The following TENM3 variants were observed in gnomAD, a reference collection of about 807,000 sequenced individuals.
The protein encoded by TENM3 is teneurin transmembrane protein 3.
TENM3 carries 63 observed loss-of-function variants against 255.1 expected under a neutral mutation model. The ratio of observed to expected loss-of-function variants is 0.25; its 90% CI spans 0.20 to 0.30. The LOEUF is 0.30. Among genes scored for constraint, TENM3 ranks in the 10% least tolerant of loss-of-function variants. The pLI, the probability that TENM3 is intolerant of heterozygous loss-of-function variation, is 1.00. For synonymous variants in TENM3, 1,306 were observed against 1,322.3 expected (o/e 0.99, Z 0.27); for missense variants, 2,929 against 3,461.1 (o/e 0.85, Z 3.86).
the TENM3 span, among the ~76,000 whole-genome samples, chr4:181,851,758 A>G: frequency 6.6e-6 from 1 of 152,230 alleles, no homozygotes; most frequent in Non-Finnish European, 1.5e-5. Flanking sequence ...AAACACGCTT[A>G]GGAAAACATC....
the TENM3 span, among the ~76,000 whole-genome samples, chr4:181,888,777 T>A: frequency 6.6e-6 from 1 of 150,982 alleles, no homozygotes; most frequent in African/African-American, 2.4e-5. Flanking sequence ...GGGGGAACAG[T>A]GTAAGCCACA....
Position 182,736,839 on chromosome 4 carries a change from C to G in TENM3, c.2999C>G (p.Thr1000Arg). Residue 1000 changes from threonine (T) to arginine (R), a missense_variant, in exon 17 of 28, where the codon ACA (threonine) becomes AGA (arginine). Coordinates refer to ENST00000511685, the MANE Select transcript of TENM3 (RefSeq NM_001080477.4). ...CACGAGGAAACTACAATTCCAGGAA[C>G]AGATTTGAAACTCTCCTACTTGAGT... Reference protein sequence around the residue: ...VLHEETTIPGTDLKLSYLSSR... With the variant: ...VLHEETTIPGRDLKLSYLSSR... The G allele has an allele frequency of 1.2e-6, 2 of 1,613,594 alleles. No individual in the cohort carries two copies. The highest frequency in any genetic ancestry group is 1.7e-6 in the Non-Finnish European group (2 of 1,179,752).
chr4:182,726,834 C>T (rs1248374759), intron 13 of TENM3, among the ~76,000 whole-genome samples: 6 of 152,140 alleles, frequency 3.9e-5, no homozygotes, highest in African/African-American at 1.2e-4. Context: ...TTTAATTCAA[C>T]TTTGTCTGTT....
At chr4:182,250,924 G>A (rs942342847) in intron 1 of TENM3, among the ~76,000 whole-genome samples, 1 of 152,158 alleles carries the variant, frequency 6.6e-6, no homozygotes, top group Non-Finnish European at 1.5e-5. Flanking sequence ...ATTTCAGATG[G>A]ATAAGAATTT....
the TENM3 span, among the ~76,000 whole-genome samples, chr4:182,056,446 C>A: frequency 6.6e-6 from 1 of 152,076 alleles, no homozygotes; most frequent in Non-Finnish European, 1.5e-5. Context: ...CATTTATCAA[C>A]AACAGAGTTA....
At chr4:182,434,373 G>A (rs143553525) in intron 3 of TENM3, among the ~76,000 whole-genome samples, 17 of 152,102 alleles carry the variant, frequency 1.1e-4, no homozygotes, top group African/African-American at 3.6e-4. Flanking sequence ...TTAAATAATA[G>A]TATAGCTGGC....
At chr4:182,189,186 C>T (rs1288136406) in intron 1 of TENM3, among the ~76,000 whole-genome samples, 2 of 151,868 alleles carry the variant, frequency 1.3e-5, no homozygotes, top group East Asian at 3.9e-4. Flanking sequence ...TAAAGTGTAA[C>T]AGGTGACTTT....
In TENM3 at chr4:182,751,272, G is replaced by T. The variant is rs557732498; in HGVS notation, c.3630-528G>T. Among the ~76,000 whole-genome samples the T allele has an allele frequency of 9.2e-5, 14 of 152,050 alleles. 1 individual carries two copies. In the East Asian group the frequency reaches 2.7e-3, roughly 29 times the overall value. ...AGACACTGGCACTTTTCTGGATTAT[G>T]ATAGAGCAACCAAGACAGATACAGT... On this transcript the variant is annotated intron_variant, in intron 19 of 27. Coordinates refer to ENST00000511685, the MANE Select transcript of TENM3 (RefSeq NM_001080477.4).
At chr4:182,080,445 G>A in the TENM3 span, among the ~76,000 whole-genome samples, 1 of 152,164 alleles carries the variant, frequency 6.6e-6, no homozygotes, top group African/African-American at 2.4e-5. Flanking sequence ...GGACTTGAGT[G>A]TAAAGTAAAA....
At chr4:182,025,895 A>G in the TENM3 span, among the ~76,000 whole-genome samples, 3 of 152,152 alleles carry the variant, frequency 2.0e-5, no homozygotes, top group East Asian at 3.9e-4. Flanking sequence ...TTACATAGGT[A>G]GACATGTGCC....
intron 3 of TENM3, among the ~76,000 whole-genome samples, chr4:182,554,021 T>A (rs1455188433): frequency 6.6e-6 from 1 of 152,226 alleles, no homozygotes; most frequent in African/African-American, 2.4e-5. Context: ...AAACCTTCTG[T>A]GCTGTATTAC....
chr4:181,801,672 A>G, the TENM3 span, among the ~76,000 whole-genome samples: 2 of 37,040 alleles, frequency 5.4e-5, no homozygotes, highest in East Asian at 1.5e-3. Flanking sequence ...ATATATATAT[A>G]TATATATATA....
chr4:181,818,434 G>A, the TENM3 span, among the ~76,000 whole-genome samples: 2 of 152,038 alleles, frequency 1.3e-5, no homozygotes, highest in Non-Finnish European at 2.9e-5. Flanking sequence ...CTTCCTGACG[G>A]CCCGCCCTAT....
the TENM3 span, among the ~76,000 whole-genome samples, chr4:182,011,895 T>C: frequency 6.6e-6 from 1 of 152,276 alleles, no homozygotes; most frequent in Admixed American, 6.5e-5. Flanking sequence ...TCTAGCCCCT[T>C]GTTTGCGGAC....
At chr4:181,718,703 AT>A in the TENM3 span, among the ~76,000 whole-genome samples, 1 of 151,754 alleles carries the variant, frequency 6.6e-6, no homozygotes, top group African/African-American at 2.4e-5. Context: ...GTAATCTCAC[AT>A]TTTTTTTCTT....
At chr4:181,975,980 A>T in the TENM3 span, 1 of 152,130 alleles carries the variant, frequency 6.6e-6, no homozygotes, top group African/African-American at 2.4e-5. Flanking sequence ...AGGCTCAGGC[A>T]TTCCTTTGCT....
At chr4:181,842,188 G>A in the TENM3 span, among the ~76,000 whole-genome samples, 1 of 152,104 alleles carries the variant, frequency 6.6e-6, no homozygotes, top group African/African-American at 2.4e-5. Flanking sequence ...TAATAGATAA[G>A]ACGCTTTGTA....
At chr4:181,917,046 T>C in the TENM3 span, among the ~76,000 whole-genome samples, 4 of 152,312 alleles carry the variant, frequency 2.6e-5, no homozygotes, top group East Asian at 7.7e-4. Context: ...TATCTCCCAA[T>C]AGCCATTCCT....
At chr4:182,118,144 G>C in the TENM3 span, among the ~76,000 whole-genome samples, 1 of 151,980 alleles carries the variant, frequency 6.6e-6, no homozygotes. Context: ...TAATTATGAT[G>C]ATTATCATTA....
Sources: gnomAD v4.1 joint callset for allele counts (sites outside exome capture counted in the v4.1 genomes callset) on GRCh38, gnomAD v4.1.1 for gene constraint, MANE v1.5 for transcripts, NCBI Gene and HGNC (gene_info 2026-07-23, HGNC 2026-07-21) for gene names.